The following BEND6 variants were observed in gnomAD, a reference collection of about 807,000 sequenced individuals.
BEND6 encodes the protein BEN domain-containing protein 6.
Under a neutral mutation model 31.8 loss-of-function variants are expected in BEND6, and 24 were observed. That is an observed-to-expected ratio of 0.75 (90% CI 0.55 to 1.06). The LOEUF (loss-of-function observed/expected upper bound fraction) is 1.06, where lower values mean the gene tolerates loss of function less well. Among genes scored for constraint, BEND6 ranks in the 50% least tolerant of loss-of-function variants. BEND6 has a pLI of 0.00. For synonymous variants in BEND6, 109 were observed against 114.6 expected (o/e 0.95, Z 0.31); for missense variants, 294 against 327.4 (o/e 0.90, Z 0.79).
chr6:57,016,427 C>G (rs1372717185), intron 4 of BEND6, among the ~76,000 whole-genome samples: 1 of 152,174 alleles, frequency 6.6e-6, no homozygotes, highest in Non-Finnish European at 1.5e-5. Context: ...AAGGTGTTAG[C>G]AGGTGCATTT....
intron 2 of BEND6, among the ~76,000 whole-genome samples, chr6:56,991,801 A>G (rs925150264): frequency 6.6e-6 from 1 of 152,136 alleles, no homozygotes; most frequent in Non-Finnish European, 1.5e-5. Flanking sequence ...CACCCCAAAG[A>G]TTCCCTCACG....
intron 1 of BEND6, among the ~76,000 whole-genome samples, chr6:56,981,017 T>C (rs1396464471): frequency 6.6e-6 from 1 of 152,194 alleles, no homozygotes; most frequent in Non-Finnish European, 1.5e-5. Context: ...TTTTACCATA[T>C]TTCCCAGGCT....
At chr6:57,015,109 G>T in intron 3 of BEND6, 24 bp from the exon 4 acceptor site, 1 of 1,592,336 alleles carries the variant, frequency 6.3e-7, no homozygotes, top group Non-Finnish European at 8.6e-7. Context: ...TATTTGTAAA[G>T]TGTACTTTTT....
chr6:57,002,631 TA>T (rs1177487789), intron 3 of BEND6, among the ~76,000 whole-genome samples: 25 of 152,156 alleles, frequency 1.6e-4, no homozygotes, highest in African/African-American at 5.8e-4. Flanking sequence ...ACAATGAGAT[TA>T]AGGCAGAAGT....
intron 1 of BEND6, among the ~76,000 whole-genome samples, chr6:56,972,022 T>C (rs1592974903): frequency 6.6e-6 from 1 of 151,790 alleles, no homozygotes; most frequent in African/African-American, 2.4e-5. Context: ...ACCCAAGAAA[T>C]CTTTGAAAAA....
At chr6:56,997,702 T>C (rs1966847) in intron 3 of BEND6, among the ~76,000 whole-genome samples, 149,417 of 152,200 alleles carry the variant, frequency 0.98, 73,415 homozygotes, top group East Asian at 1. Context: ...TACAGGTGCC[T>C]GCCACCACGC....
At chr6:57,012,353 G>T (rs989076103) in intron 3 of BEND6, among the ~76,000 whole-genome samples, 1 of 152,200 alleles carries the variant, frequency 6.6e-6, no homozygotes, top group East Asian at 1.9e-4. Context: ...TGGAATTCTA[G>T]AACAAGTAAA....
At chr6:56,998,111 G>A (rs35899012) in intron 3 of BEND6, among the ~76,000 whole-genome samples, 19,509 of 151,968 alleles carry the variant, frequency 0.13, 1,457 homozygotes, top group Middle Eastern at 0.2. Flanking sequence ...TGAGGGAGAG[G>A]GAGTGGTTTA....
intron 3 of BEND6, among the ~76,000 whole-genome samples, chr6:57,013,192 C>G (rs1331010713): frequency 6.6e-6 from 1 of 152,212 alleles, no homozygotes; most frequent in African/African-American, 2.4e-5. Flanking sequence ...CTGACACCAA[C>G]TACACGTTCA....
chr6:57,009,505 A>C (rs1007012834), intron 3 of BEND6: 11 of 152,216 alleles, frequency 7.2e-5, no homozygotes, highest in Non-Finnish European at 1.3e-4. Context: ...CACTCCTAGC[A>C]ATTAGATGTG....
At chr6:56,971,208 T>G (rs1273510514) in intron 1 of BEND6, among the ~76,000 whole-genome samples, 1 of 152,208 alleles carries the variant, frequency 6.6e-6, no homozygotes, top group Non-Finnish European at 1.5e-5. Context: ...TGGTACCTCA[T>G]GTAAATGGAA....
intron 3 of BEND6, among the ~76,000 whole-genome samples, chr6:57,002,310 GC>G (rs150184975): frequency 0.069 from 10,525 of 152,132 alleles, 478 homozygotes; most frequent in East Asian, 0.18. Context: ...GATCATCCAT[GC>G]AGAAAACTAA....
intron 1 of BEND6, among the ~76,000 whole-genome samples, chr6:56,965,177 C>T (rs1825424913): frequency 6.6e-6 from 1 of 151,966 alleles, no homozygotes; most frequent in African/African-American, 2.4e-5. Flanking sequence ...TGTAATGTAG[C>T]TGATCATTTG....
At chr6:56,968,260 A>C (rs748104329) in intron 1 of BEND6, among the ~76,000 whole-genome samples, 1 of 150,356 alleles carries the variant, frequency 6.7e-6, no homozygotes, top group Non-Finnish European at 1.5e-5. Flanking sequence ...ATTCAGGTCT[A>C]TAGCCCCCTC....
At chr6:57,005,814 A>G (rs1414333663) in intron 3 of BEND6, among the ~76,000 whole-genome samples, 1 of 152,194 alleles carries the variant, frequency 6.6e-6, no homozygotes, top group African/African-American at 2.4e-5. Context: ...TAATAAGTTG[A>G]CGAAAAATAT....
chr6:57,007,527 C>A (rs1827201492), intron 3 of BEND6, among the ~76,000 whole-genome samples: 1 of 151,992 alleles, frequency 6.6e-6, no homozygotes, highest in Non-Finnish European at 1.5e-5. Flanking sequence ...CAAAAATAAA[C>A]AAACAATCTG....
At chr6:56,966,964 G>A (rs187081942) in intron 1 of BEND6, among the ~76,000 whole-genome samples, 1 of 152,298 alleles carries the variant, frequency 6.6e-6, no homozygotes, top group East Asian at 1.9e-4. Flanking sequence ...TGGTAGGATG[G>A]ATCATGTCAG....
intron 3 of BEND6, among the ~76,000 whole-genome samples, chr6:57,012,520 A>G (rs720884): frequency 0.12 from 17,945 of 152,212 alleles, 1,366 homozygotes; most frequent in Middle Eastern, 0.2. Flanking sequence ...TGTCAAACGC[A>G]TCCCCTTTAC....
chr6:57,006,359 C>G (rs537646646), intron 3 of BEND6, among the ~76,000 whole-genome samples: 4 of 152,214 alleles, frequency 2.6e-5, no homozygotes, highest in African/African-American at 4.8e-5. Flanking sequence ...ATTAAAGGCT[C>G]TGCTGTCACC....
Sources: allele counts gnomAD v4.1 joint callset (sites outside exome capture counted in the v4.1 genomes callset), GRCh38; gene constraint gnomAD v4.1.1; transcripts MANE v1.5; gene names NCBI Gene and HGNC (gene_info 2026-07-23, HGNC 2026-07-21).